TSPAN18: variants seen among roughly 807,000 people sequenced by gnomAD.
TSPAN18 encodes the protein tetraspanin-18.
Under a neutral mutation model 27.3 loss-of-function variants are expected in TSPAN18, and 14 were observed. That is an observed-to-expected ratio of 0.51 (90% CI 0.34 to 0.80). TSPAN18 has a LOEUF of 0.80. Ranked by LOEUF, TSPAN18 falls within the 30% of genes least tolerant of loss-of-function variation. The pLI is 0.01. For missense variants in TSPAN18, 268 were observed against 323.9 expected (o/e 0.83, Z 1.32); for synonymous variants, 143 against 136.5 (o/e 1.05, Z -0.33).
chr11:44,798,514 CT>C (rs1856402621), intron 2 of TSPAN18, among the ~76,000 whole-genome samples: 1 of 152,222 alleles, frequency 6.6e-6, no homozygotes. Flanking sequence ...CTGTGAGGGA[CT>C]TGGTAGCCTC....
intron 2 of TSPAN18, among the ~76,000 whole-genome samples, chr11:44,814,238 AT>A (rs5791648): frequency 0.52 from 79,283 of 151,520 alleles, 21,374 homozygotes; most frequent in African/African-American, 0.6. Flanking sequence ...CAGAATAAGG[AT>A]TTTTTTTTTA....
chr11:44,910,245 C>T lies in TSPAN18; in HGVS notation c.258+346C>T, dbSNP rs867055976. ...CCCTGGGGTAGCCCTTCCTCTCTCC[C>T]ACTTCATTTTGCTGCTTTCCTGCAG... On this transcript the variant is annotated intron_variant, in intron 5 of 9. Coordinates refer to ENST00000520358, the MANE Select transcript of TSPAN18 (RefSeq NM_130783.5). Among the ~76,000 whole-genome samples the T allele has an allele frequency of 2.6e-5, 4 of 152,344 alleles. No individual in the cohort carries two copies. The South Asian group carries it at 8.3e-4, about 32-fold the overall frequency.
chr11:44,908,029 T>G (rs1421847229), intron 4 of TSPAN18, among the ~76,000 whole-genome samples: 4 of 133,142 alleles, frequency 3.0e-5, no homozygotes, highest in African/African-American at 5.8e-5. Context: ...CACTCCAGCC[T>G]GGGCAACAGA....
chr11:44,864,568 A>T (rs919092212), intron 3 of TSPAN18, among the ~76,000 whole-genome samples: 4 of 151,502 alleles, frequency 2.6e-5, no homozygotes, highest in Non-Finnish European at 4.4e-5. Flanking sequence ...GCTTTGTTCA[A>T]CCCTCCCTTG....
At chr11:44,915,788 C>T (rs953828499) in intron 5 of TSPAN18, among the ~76,000 whole-genome samples, 1 of 152,236 alleles carries the variant, frequency 6.6e-6, no homozygotes, top group Non-Finnish European at 1.5e-5. Context: ...GGAGTAGTCA[C>T]TTCCCTTCTC....
intron 3 of TSPAN18, among the ~76,000 whole-genome samples, chr11:44,884,521 C>T (rs1157154425): frequency 1.3e-5 from 2 of 152,170 alleles, no homozygotes; most frequent in African/African-American, 4.8e-5. Flanking sequence ...TGGAAAGATC[C>T]CCCCTGTGCG....
chr11:44,921,765 A>G (rs1860145703), intron 8 of TSPAN18, among the ~76,000 whole-genome samples: 2 of 152,202 alleles, frequency 1.3e-5, no homozygotes, highest in African/African-American at 4.8e-5. Flanking sequence ...GCCAACAGCC[A>G]AACTTAGAAC....
In TSPAN18 at chr11:44,824,299, T is replaced by C. The variant is rs181707043; in HGVS notation, c.-152-36029T>C. ...TATTGGTCCTGGCTATTCATTTGTC[T>C]TGTTAATTTTTTGCCTGCCCTCTAC... On this transcript the variant is annotated intron_variant, in intron 2 of 9. Coordinates refer to ENST00000520358, the MANE Select transcript of TSPAN18 (RefSeq NM_130783.5). Among the ~76,000 whole-genome samples, 654 of 152,342 alleles carry C rather than the reference T, an allele frequency of 4.3e-3. 4 individuals carry two copies. The highest frequency in any genetic ancestry group is 0.015 in the African/African-American group (627 of 41,570).
chr11:44,896,351 T>TA (rs1859049580), intron 3 of TSPAN18, among the ~76,000 whole-genome samples: 1 of 152,082 alleles, frequency 6.6e-6, no homozygotes, highest in African/African-American at 2.4e-5. Context: ...ACAAGTCAAT[T>TA]CTCTCTCTTT....
chr11:44,743,794 A>G (rs985712466), intron 1 of TSPAN18, among the ~76,000 whole-genome samples: 5 of 152,196 alleles, frequency 3.3e-5, no homozygotes, highest in Non-Finnish European at 7.3e-5. Flanking sequence ...CCTTGGGCCC[A>G]GAGCTCCATA....
At chr11:44,753,529 G>A (rs1162433495) in intron 1 of TSPAN18, among the ~76,000 whole-genome samples, 1 of 152,154 alleles carries the variant, frequency 6.6e-6, no homozygotes, top group Non-Finnish European at 1.5e-5. Flanking sequence ...GGGTCCCAGG[G>A]TAGCTGGACT....
intron 8 of TSPAN18, among the ~76,000 whole-genome samples, chr11:44,922,116 C>CTTTTTTTT (rs1860161672): frequency 1.1e-5 from 1 of 93,736 alleles, no homozygotes; most frequent in African/African-American, 4.7e-5. Context: ...GCCCAGGATG[C>CTTTTTTTT]ATTTTTTTTT....
At position 44,878,835 on chromosome 11, in the gene TSPAN18, T is replaced by C. The variant is rs1325222002; in HGVS notation, c.-11+18366T>C. On this transcript the variant is annotated intron_variant, in intron 3 of 9. Transcript: ENST00000520358. ...CTGGGTCTCCCAATCTCCAAAAATG[T>C]GGTGGTAACATGTTGTCTTCCATTG... 3.3e-5 allele frequency among the ~76,000 whole-genome samples: 5 copies of C among 152,212 alleles called. No homozygotes were observed. The South Asian group carries it at 1.0e-3, about 32-fold the overall frequency.
At position 44,744,178 on chromosome 11, in the gene TSPAN18, T is replaced by C. The variant is rs192539936; in HGVS notation, c.-240+16891T>C. ...GAAACACCTCCACAGTGGGGCCTCC[T>C]CCCTGGGTTTGCGTGTATTATCGCT... On this transcript the variant is annotated intron_variant, in intron 1 of 9. Transcript: ENST00000520358. 1.4e-3 allele frequency among the ~76,000 whole-genome samples: 220 copies of C among 152,282 alleles called. 1 individual carries two copies. The highest frequency in any genetic ancestry group is 5.0e-3 in the African/African-American group (208 of 41,562).
rs971887143 is a variant in TSPAN18 at position 44,727,232 on chromosome 11, T to G, written c.-295T>G. On this transcript the variant is annotated 5_prime_UTR_variant, in exon 1 of 10. Transcript: ENST00000520358. ...GAGCGCGCCCCTCCGACCAGGAAAGTTTCCCCCCGGCCGCCGGCGGGATTT... is the reference window on the plus strand; with the variant it reads ...GAGCGCGCCCCTCCGACCAGGAAAGGTTCCCCCCGGCCGCCGGCGGGATTT... 6.6e-6 allele frequency: 1 copy of G among 151,228 alleles called. No individual in the cohort carries two copies. The highest frequency in any genetic ancestry group is 2.4e-5 in the African/African-American group (1 of 41,146). 9.4% of individuals were successfully genotyped at this position (151,228 alleles called of 1,614,324 possible).
intron 3 of TSPAN18, among the ~76,000 whole-genome samples, chr11:44,881,340 C>G (rs1858483646): frequency 6.6e-6 from 1 of 152,130 alleles, no homozygotes; most frequent in Admixed American, 6.6e-5. Context: ...GACCCCAGAC[C>G]CCTCGAACCT....
chr11:44,924,130 T>TGTGTGTGTGTGTGTGA (rs1491312887), intron 8 of TSPAN18, among the ~76,000 whole-genome samples: 5 of 144,936 alleles, frequency 3.4e-5, no homozygotes, highest in African/African-American at 1.2e-4. Context: ...TGTGTGTGTG[T>TGTGTGTGTGTGTGTGA]GATTATATTG....
chr11:44,755,649 C>T (rs1308720781), intron 1 of TSPAN18, among the ~76,000 whole-genome samples: 1 of 151,994 alleles, frequency 6.6e-6, no homozygotes, highest in Admixed American at 6.5e-5. Flanking sequence ...AAAACAAAGC[C>T]CTGGCTTTGC....
intron 1 of TSPAN18, among the ~76,000 whole-genome samples, chr11:44,750,892 A>AGTGCCCTCATCCTCTAGGGT (rs1198338286): frequency 6.6e-5 from 10 of 152,374 alleles, no homozygotes; most frequent in African/African-American, 2.2e-4. Context: ...ACTTACAGGC[A>AGTGCCCTCATCCTCTAGGGT]GTGCCCTCAT....
Sources: gnomAD v4.1 joint callset for allele counts (sites outside exome capture counted in the v4.1 genomes callset) on GRCh38, gnomAD v4.1.1 for gene constraint, MANE v1.5 for transcripts, NCBI Gene and HGNC (gene_info 2026-07-23, HGNC 2026-07-21) for gene names.